Variants in CHCHD6 observed in about 807,000 individuals in gnomAD.
The protein encoded by CHCHD6 is coiled-coil-helix-coiled-coil-helix domain containing 6, also known as MICOS complex subunit MIC25.
CHCHD6 carries 28 observed loss-of-function variants against 32.3 expected under a neutral mutation model. The observed-to-expected ratio is 0.87, with a 90% CI of 0.64 to 1.19. The LOEUF (loss-of-function observed/expected upper bound fraction) is 1.19. Ranked by LOEUF, CHCHD6 falls within the 50% of genes most tolerant of loss-of-function variation. CHCHD6 has a pLI of 0.00. For missense variants in CHCHD6, 333 were observed against 307.0 expected (o/e 1.08, Z -0.63); for synonymous variants, 122 against 117.5 (o/e 1.04, Z -0.25).
At chr3:126,920,021 T>C (rs2078223982) in intron 6 of CHCHD6, among the ~76,000 whole-genome samples, 1 of 152,132 alleles carries the variant, frequency 6.6e-6, no homozygotes, top group African/African-American at 2.4e-5. Context: ...TGTATTACTG[T>C]CTCATATGTC....
chr3:126,957,445 G>C lies in CHCHD6; in HGVS notation c.596G>C (p.Gly199Ala). The C allele has an allele frequency of 6.2e-7, 1 of 1,611,520 alleles. No individual in the cohort carries two copies. Among genetic ancestry groups the C allele is most frequent in the African/African-American group, 1.3e-5 (1 of 74,988 alleles). Residue 199 changes from glycine (G) to alanine (A), a missense_variant, in exon 7 of 8, where the codon GGG becomes GCG. Coordinates refer to ENST00000290913, the MANE Select transcript of CHCHD6 (RefSeq NM_032343.3). ...KPRRVEPVCS[G>A]LQAQILHCYR... The stretch of plus-strand genomic sequence containing the variant: ...CGCAGGGTGGAGCCCGTCTGCTCAG[G>C]GTTGCAGGCCCAGATTCTCCACTGC...
At chr3:126,750,979 C>A (rs1695637741) in intron 4 of CHCHD6, among the ~76,000 whole-genome samples, 1 of 152,198 alleles carries the variant, frequency 6.6e-6, no homozygotes, top group South Asian at 2.1e-4. Context: ...AGCACAACAT[C>A]TTGACCTCTT....
intron 4 of CHCHD6, among the ~76,000 whole-genome samples, chr3:126,818,068 G>A (rs1349620991): frequency 1.3e-5 from 2 of 152,190 alleles, no homozygotes; most frequent in Non-Finnish European, 2.9e-5. Context: ...CTGAGTGAGG[G>A]GCCTGTAAAG....
chr3:126,939,472 T>A (rs2078528347), intron 6 of CHCHD6, among the ~76,000 whole-genome samples: 1 of 152,214 alleles, frequency 6.6e-6, no homozygotes, highest in Non-Finnish European at 1.5e-5. Context: ...GGCTGTGTCT[T>A]TTAGCCTGTG....
At chr3:126,748,575 A>G (rs1043267752) in intron 4 of CHCHD6, among the ~76,000 whole-genome samples, 1 of 151,354 alleles carries the variant, frequency 6.6e-6, no homozygotes, top group Non-Finnish European at 1.5e-5. Context: ...AGCCTGGGCA[A>G]CAGAGTGAGA....
At chr3:126,764,759 C>T (rs1937296439) in intron 4 of CHCHD6, among the ~76,000 whole-genome samples, 1 of 152,192 alleles carries the variant, frequency 6.6e-6, no homozygotes. Context: ...AGAGACCTGT[C>T]CAGGCAAACG....
At position 126,957,105 on chromosome 3, in the gene CHCHD6, G is replaced by A. The variant is rs557112870; in HGVS notation, c.567-311G>A. 9 of 433,812 alleles carry A rather than the reference G, an allele frequency of 2.1e-5. No homozygotes were observed. The South Asian group carries it at 2.3e-4, about 11-fold the overall frequency. 26.9% of individuals were successfully genotyped at this position (433,812 alleles called of 1,614,324 possible). A position where few individuals can be genotyped will look rare whatever the true frequency, so the allele number is the denominator to read the frequency against. On this transcript the variant is annotated intron_variant, in intron 6 of 7. Transcript: ENST00000290913. ...CCATCCTCATGGGGGCCCTCCAGTGGGGCTTTCCTGTCTCCTGAGTGTACA... is the reference window on the plus strand; with the variant it reads ...CCATCCTCATGGGGGCCCTCCAGTGAGGCTTTCCTGTCTCCTGAGTGTACA...
intron 6 of CHCHD6, among the ~76,000 whole-genome samples, chr3:126,945,841 A>G (rs2078630083): frequency 6.7e-6 from 1 of 148,416 alleles, no homozygotes; most frequent in East Asian, 2.0e-4. Context: ...GGGAGACTTG[A>G]GGGGGGAAGT....
At chr3:126,720,134 G>A (rs1035155982) in intron 1 of CHCHD6, among the ~76,000 whole-genome samples, 1 of 152,072 alleles carries the variant, frequency 6.6e-6, no homozygotes, top group Non-Finnish European at 1.5e-5. Context: ...CACCTGCCTC[G>A]GCCTCCCAAA....
At chr3:126,756,513 C>G (rs925072702) in intron 4 of CHCHD6, among the ~76,000 whole-genome samples, 4 of 152,086 alleles carry the variant, frequency 2.6e-5, no homozygotes, top group Non-Finnish European at 5.9e-5. Flanking sequence ...TGTAGCTCAC[C>G]AGTGTTTTTC....
chr3:126,756,640 A>G (rs184029179), intron 4 of CHCHD6, among the ~76,000 whole-genome samples: 48 of 152,298 alleles, frequency 3.2e-4, no homozygotes, highest in Admixed American at 3.1e-3. Context: ...CAGTTTCCTC[A>G]GTTGTAGTAT....
chr3:126,915,844 G>A (rs891337017), intron 6 of CHCHD6, among the ~76,000 whole-genome samples: 20 of 152,150 alleles, frequency 1.3e-4, no homozygotes, highest in African/African-American at 4.6e-4. Context: ...CAGCTGGAGT[G>A]TAGTGGCAGA....
intron 2 of CHCHD6, among the ~76,000 whole-genome samples, chr3:126,728,929 G>T (rs1935660380): frequency 6.6e-6 from 1 of 152,296 alleles, no homozygotes; most frequent in Middle Eastern, 3.4e-3. Context: ...CTAATTTTAA[G>T]ATATTTTGTA....
At chr3:126,826,883 G>A (rs185180518) in intron 4 of CHCHD6, among the ~76,000 whole-genome samples, 4 of 152,312 alleles carry the variant, frequency 2.6e-5, no homozygotes, top group Admixed American at 2.6e-4. Context: ...GGTGGTAGTG[G>A]AAACTGAGAG....
chr3:126,920,844 G>T (rs888506651), intron 6 of CHCHD6, among the ~76,000 whole-genome samples: 1 of 152,208 alleles, frequency 6.6e-6, no homozygotes, highest in African/African-American at 2.4e-5. Context: ...GAGGGGGAAA[G>T]TGGGTCTAAT....
chr3:126,767,949 A>G (rs1457835266), intron 4 of CHCHD6, among the ~76,000 whole-genome samples: 1 of 152,236 alleles, frequency 6.6e-6, no homozygotes, highest in Non-Finnish European at 1.5e-5. Flanking sequence ...ATGTCTGCAT[A>G]GTATTCCATG....
intron 4 of CHCHD6, among the ~76,000 whole-genome samples, chr3:126,768,187 C>T (rs114654189): frequency 0.01 from 1,561 of 152,194 alleles, 28 homozygotes; most frequent in African/African-American, 0.035. Flanking sequence ...GGTTTAGCAC[C>T]ATCCCCTTAG....
intron 4 of CHCHD6, among the ~76,000 whole-genome samples, chr3:126,762,866 G>C (rs1015763459): frequency 6.6e-6 from 1 of 151,740 alleles, no homozygotes; most frequent in Non-Finnish European, 1.5e-5. Context: ...ACTTTATTTT[G>C]CATATTATTA....
At chr3:126,957,932 G>T (rs1006510747) in intron 7 of CHCHD6, 10 of 359,042 alleles carry the variant, frequency 2.8e-5, no homozygotes, top group Admixed American at 1.5e-4. Flanking sequence ...CAGAGTGGGG[G>T]TCCCAGCAAG....
Sources: allele counts gnomAD v4.1 joint callset (sites outside exome capture counted in the v4.1 genomes callset), GRCh38; gene constraint gnomAD v4.1.1; transcripts MANE v1.5; gene names NCBI Gene and HGNC (gene_info 2026-07-23, HGNC 2026-07-21).